Variants in TNFSF4 observed in about 807,000 individuals in gnomAD.
TNFSF4 encodes the protein tumor necrosis factor ligand superfamily member 4.
A neutral mutation model predicts 7.3 loss-of-function variants in TNFSF4; 4 were observed. That is an observed-to-expected ratio of 0.55 (90% CI 0.27 to 1.25). The LOEUF (loss-of-function observed/expected upper bound fraction) is 1.25. Among genes scored for constraint, TNFSF4 ranks in the 50% most tolerant of loss-of-function variants. TNFSF4 has a pLI of 0.12. For missense variants in TNFSF4, 181 were observed against 208.8 expected, an observed-to-expected ratio of 0.87 and a Z score of 0.82; for synonymous variants, 76 against 83.7, an observed-to-expected ratio of 0.91 and a Z score of 0.50.
chr1:173,294,793 G>A, the TNFSF4 span, among the ~76,000 whole-genome samples: 1 of 151,944 alleles, frequency 6.6e-6, no homozygotes, highest in South Asian at 2.1e-4. Context: ...GGAACCTGTG[G>A]ATACAGAGGG....
the TNFSF4 span, among the ~76,000 whole-genome samples, chr1:173,305,959 A>ACAT: frequency 6.6e-6 from 1 of 151,906 alleles, no homozygotes; most frequent in Non-Finnish European, 1.5e-5. Context: ...GAGCCAAACC[A>ACAT]CATCACCCTT....
At chr1:173,264,124 TTAAAA>T in the TNFSF4 span, among the ~76,000 whole-genome samples, 8 of 152,140 alleles carry the variant, frequency 5.3e-5, no homozygotes, top group Non-Finnish European at 1.0e-4. Context: ...ACCCCTGAAC[TTAAAA>T]TAAAATTTTT....
At chr1:173,437,254 A>T in the TNFSF4 span, among the ~76,000 whole-genome samples, 2 of 152,180 alleles carry the variant, frequency 1.3e-5, no homozygotes, top group Non-Finnish European at 2.9e-5. Context: ...TAAGCATAAT[A>T]AAACTGCTTT....
the TNFSF4 span, among the ~76,000 whole-genome samples, chr1:173,356,847 GA>G: frequency 6.6e-6 from 1 of 152,104 alleles, no homozygotes; most frequent in African/African-American, 2.4e-5. Flanking sequence ...TGTGTGGGGG[GA>G]AAAAATGACA....
the TNFSF4 span, among the ~76,000 whole-genome samples, chr1:173,360,139 G>A: frequency 6.6e-6 from 1 of 152,238 alleles, no homozygotes; most frequent in African/African-American, 2.4e-5. Context: ...ACTCAGTTCA[G>A]ATTCTACCCT....
the TNFSF4 span, among the ~76,000 whole-genome samples, chr1:173,416,639 G>GAGAC: frequency 3.3e-4 from 1 of 3,022 alleles, no homozygotes; most frequent in Non-Finnish European, 1.2e-3. Context: ...TTTATTTTTT[G>GAGAC]AGAGAGAGAG....
chr1:173,282,910 C>A, the TNFSF4 span, among the ~76,000 whole-genome samples: 166 of 152,278 alleles, frequency 1.1e-3, no homozygotes, highest in Middle Eastern at 6.8e-3. Context: ...ACCTGGCAGG[C>A]ATTTCCATTT....
the TNFSF4 span, among the ~76,000 whole-genome samples, chr1:173,230,475 C>G: frequency 6.6e-6 from 1 of 152,108 alleles, no homozygotes; most frequent in Non-Finnish European, 1.5e-5. Context: ...CAAGAGAAAG[C>G]AGGAAAGATC....
At chr1:173,301,395 T>C in the TNFSF4 span, among the ~76,000 whole-genome samples, 1 of 151,856 alleles carries the variant, frequency 6.6e-6, no homozygotes, top group African/African-American at 2.4e-5. Flanking sequence ...GTCTAAAAAA[T>C]GGAGTTATTC....
chr1:173,319,482 T>C, the TNFSF4 span, among the ~76,000 whole-genome samples: 1 of 152,296 alleles, frequency 6.6e-6, no homozygotes, highest in Admixed American at 6.5e-5. Context: ...AGGGTGATTC[T>C]CCCAGGACAG....
chr1:173,441,592 C>A, the TNFSF4 span, among the ~76,000 whole-genome samples: 1 of 152,196 alleles, frequency 6.6e-6, no homozygotes, highest in African/African-American at 2.4e-5. Context: ...CCACTGCACT[C>A]CAGCCTGGGT....
chr1:173,400,831 G>T, the TNFSF4 span, among the ~76,000 whole-genome samples: 1 of 152,168 alleles, frequency 6.6e-6, no homozygotes, highest in Non-Finnish European at 1.5e-5. Flanking sequence ...AATGAAGTTG[G>T]GGTCACTTCA....
the TNFSF4 span, among the ~76,000 whole-genome samples, chr1:173,402,922 G>A: frequency 6.6e-6 from 1 of 151,740 alleles, no homozygotes; most frequent in South Asian, 2.1e-4. Context: ...GCACAATCAC[G>A]GCTCACCACA....
chr1:173,193,139 G>C (rs185939023), intron 1 of TNFSF4, among the ~76,000 whole-genome samples: 7 of 152,136 alleles, frequency 4.6e-5, no homozygotes, highest in Non-Finnish European at 1.0e-4. Flanking sequence ...CATGAGAAAG[G>C]TTGACAGAAA....
chr1:173,234,370 C>A, the TNFSF4 span, among the ~76,000 whole-genome samples: 5 of 152,196 alleles, frequency 3.3e-5, no homozygotes, highest in Admixed American at 3.3e-4. Context: ...CTAGTTCAAC[C>A]ATTGTGGAAG....
chr1:173,315,065 A>C, the TNFSF4 span, among the ~76,000 whole-genome samples: 1 of 152,186 alleles, frequency 6.6e-6, no homozygotes, highest in Non-Finnish European at 1.5e-5. Context: ...AGGATGAGAG[A>C]TGAAAACAGA....
At chr1:173,403,215 C>T in the TNFSF4 span, among the ~76,000 whole-genome samples, 1 of 152,156 alleles carries the variant, frequency 6.6e-6, no homozygotes, top group African/African-American at 2.4e-5. Flanking sequence ...ATGGACCACA[C>T]TTTGAGTAAC....
At chr1:173,344,222 C>CT in the TNFSF4 span, among the ~76,000 whole-genome samples, 1 of 152,198 alleles carries the variant, frequency 6.6e-6, no homozygotes, top group African/African-American at 2.4e-5. Flanking sequence ...TCCTACTGTG[C>CT]TGATGTAACA....
the TNFSF4 span, among the ~76,000 whole-genome samples, chr1:173,230,809 C>T: frequency 6.6e-6 from 1 of 152,020 alleles, no homozygotes; most frequent in South Asian, 2.1e-4. Flanking sequence ...TACCTAAATA[C>T]TAGACACCTC....
Sources: gnomAD v4.1 joint callset for allele counts (sites outside exome capture counted in the v4.1 genomes callset) on GRCh38, gnomAD v4.1.1 for gene constraint, MANE v1.5 for transcripts, NCBI Gene and HGNC (gene_info 2026-07-23, HGNC 2026-07-21) for gene names.